MET: variants seen among roughly 807,000 people sequenced by gnomAD.
MET encodes the protein hepatocyte growth factor receptor.
In MET, 48 loss-of-function variants were observed where a neutral mutation model predicts 133.1. The ratio of observed to expected loss-of-function variants is 0.36; its 90% CI spans 0.29 to 0.46. The LOEUF is 0.46. Among genes scored for constraint, MET ranks in the 20% least tolerant of loss-of-function variants. The pLI, the probability that MET is intolerant of heterozygous loss-of-function variation, is 1.00. For synonymous variants in MET, 628 were observed against 616.5 expected, an observed-to-expected ratio of 1.02 and a Z score of -0.28; for missense variants, 1,442 against 1,695.9, an observed-to-expected ratio of 0.85 and a Z score of 2.63.
At chr7:116,748,438 A>T (rs1415126344) in intron 5 of MET, among the ~76,000 whole-genome samples, 1 of 152,240 alleles carries the variant, frequency 6.6e-6, no homozygotes, top group South Asian at 2.1e-4. Flanking sequence ...AAAGACAAAG[A>T]CACAACATAT....
At chr7:116,792,489 A>T in intron 19 of MET, among the ~76,000 whole-genome samples, 1 of 139,678 alleles carries the variant, frequency 7.2e-6, no homozygotes, top group Admixed American at 7.3e-5. Flanking sequence ...ACACACACAC[A>T]CACACACACA....
At chr7:116,773,863 C>G (rs928946706) in intron 14 of MET, among the ~76,000 whole-genome samples, 28 of 152,184 alleles carry the variant, frequency 1.8e-4, no homozygotes, top group Admixed American at 1.8e-3. Context: ...AGTCAAGGTA[C>G]TAACAGCATT....
At chr7:116,792,494 C>CAG (rs1795539921) in intron 19 of MET, among the ~76,000 whole-genome samples, 1 of 148,140 alleles carries the variant, frequency 6.8e-6, no homozygotes, top group South Asian at 2.2e-4. Flanking sequence ...CACACACACA[C>CAG]ACACACACCA....
At chr7:116,793,135 A>G (rs1259524001) in intron 19 of MET, among the ~76,000 whole-genome samples, 2 of 151,588 alleles carry the variant, frequency 1.3e-5, no homozygotes, top group African/African-American at 4.8e-5. Context: ...AGCACAACTC[A>G]GAACTCAGCC....
intron 3 of MET, among the ~76,000 whole-genome samples, chr7:116,736,532 C>T (rs1793216788): frequency 6.6e-6 from 1 of 152,014 alleles, no homozygotes; most frequent in Non-Finnish European, 1.5e-5. Context: ...GGAGATATGG[C>T]CTTTACATAT....
intron 5 of MET, among the ~76,000 whole-genome samples, chr7:116,754,883 G>A (rs1185137783): frequency 8.7e-6 from 1 of 114,576 alleles, no homozygotes; most frequent in Non-Finnish European, 1.8e-5. Context: ...AAGAGAGAGA[G>A]AGAGAAAGAG....
intron 5 of MET, among the ~76,000 whole-genome samples, chr7:116,744,045 A>G (rs888420076): frequency 6.6e-6 from 1 of 152,214 alleles, no homozygotes; most frequent in Non-Finnish European, 1.5e-5. Flanking sequence ...CACCAACATC[A>G]AAGACCAAAG....
intron 19 of MET, among the ~76,000 whole-genome samples, chr7:116,785,816 T>A (rs1170604838): frequency 1.3e-5 from 2 of 150,858 alleles, no homozygotes; most frequent in African/African-American, 2.4e-5. Context: ...AGTCAAAGAT[T>A]AGCAAAGATA....
At chr7:116,692,891 T>A (rs1796823921) in intron 1 of MET, among the ~76,000 whole-genome samples, 1 of 152,192 alleles carries the variant, frequency 6.6e-6, no homozygotes, top group African/African-American at 2.4e-5. Context: ...ACGTGTTCCT[T>A]TTAGCAGGGA....
chr7:116,713,203 G>A (rs892943505), intron 2 of MET, among the ~76,000 whole-genome samples: 2 of 152,096 alleles, frequency 1.3e-5, no homozygotes, highest in African/African-American at 2.4e-5. Context: ...AGACCATCCC[G>A]GCTAAAACGG....
chr7:116,767,751 C>A lies in MET; in HGVS notation c.2584-1894C>A, dbSNP rs890171858. ...CTTTTATTTAATAATAGTTAATATT[C>A]AATAATAAATATTAATATAATTAAT... On this transcript the variant is annotated intron_variant, in intron 11 of 20. Transcript: ENST00000397752. Among the ~76,000 whole-genome samples, 6 of 150,740 alleles carry A rather than the reference C, an allele frequency of 4.0e-5. No individual in the cohort carries two copies. The South Asian group carries it at 1.3e-3, about 31-fold the overall frequency.
chr7:116,676,257 G>A lies in MET; in HGVS notation c.-15+3680G>A, dbSNP rs565979428. Among the ~76,000 whole-genome samples, 24 of 152,228 alleles carry A rather than the reference G, an allele frequency of 1.6e-4. No individual in the cohort carries two copies. The South Asian group carries it at 4.6e-3, about 29-fold the overall frequency. ...TTATGTAGCTATAGGGCCCACAGGC[G>A]ATTATATAATGGGCAATAGAATTTG... On this transcript the variant is annotated intron_variant, in intron 1 of 20. Transcript: ENST00000397752.
At chr7:116,741,758 CTT>C (rs373618465) in intron 5 of MET, among the ~76,000 whole-genome samples, 1 of 152,214 alleles carries the variant, frequency 6.6e-6, no homozygotes, top group African/African-American at 2.4e-5. Flanking sequence ...CCATGCCACT[CTT>C]TAATTCATTC....
chr7:116,758,755 T>C, intron 9 of MET, 135 bp downstream of exon 9: 1 of 825,958 alleles, frequency 1.2e-6, no homozygotes, highest in East Asian at 2.6e-5. Context: ...TTCTTTCCAA[T>C]TCAGGAGAGA....
intron 2 of MET, among the ~76,000 whole-genome samples, chr7:116,704,294 A>C (rs917699456): frequency 2.6e-5 from 4 of 152,098 alleles, no homozygotes; most frequent in Admixed American, 6.5e-5. Flanking sequence ...AGAGACTAAA[A>C]TCAGAGATGT....
intron 1 of MET, among the ~76,000 whole-genome samples, chr7:116,689,181 A>G (rs1037001310): frequency 3.9e-5 from 6 of 152,216 alleles, no homozygotes; most frequent in African/African-American, 1.4e-4. Flanking sequence ...TCCCTTTCAT[A>G]TAGTTATACC....
At position 116,796,633 on chromosome 7, in the gene MET, T is replaced by C; in HGVS notation, c.*509T>C. On this transcript the variant is annotated 3_prime_UTR_variant, in exon 21 of 21. Coordinates refer to ENST00000397752, the MANE Select transcript of MET (RefSeq NM_000245.4). ...TCACCCATTAGGTAAACATTCCCTT[T>C]TAAATGTTTGTTTGTTTTTTGAGAC... The C allele has an allele frequency of 7.3e-6, 2 of 275,040 alleles. No individual in the cohort carries two copies. The highest frequency in any genetic ancestry group is 8.4e-5 in the South Asian group (1 of 11,942). 17.0% of individuals were successfully genotyped at this position (275,040 alleles called of 1,614,324 possible).
intron 1 of MET, among the ~76,000 whole-genome samples, chr7:116,678,910 C>A (rs1426960183): frequency 3.3e-5 from 5 of 151,836 alleles, no homozygotes; most frequent in Non-Finnish European, 7.4e-5. Flanking sequence ...CCTTTTTGTT[C>A]CAGAAAAAAA....
chr7:116,770,765 G>C (rs566450176), intron 12 of MET, among the ~76,000 whole-genome samples: 1 of 151,976 alleles, frequency 6.6e-6, no homozygotes, highest in Admixed American at 6.6e-5. Flanking sequence ...AGCCTGTGTC[G>C]GTACTTCATT....
Sources: gnomAD v4.1 joint callset for allele counts (sites outside exome capture counted in the v4.1 genomes callset) on GRCh38, gnomAD v4.1.1 for gene constraint, MANE v1.5 for transcripts, NCBI Gene and HGNC (gene_info 2026-07-23, HGNC 2026-07-21) for gene names.